EEA1: variants seen among roughly 807,000 people sequenced by gnomAD.
EEA1 encodes early endosome antigen 1, 162kD.
EEA1 carries 111 observed loss-of-function variants against 209.2 expected under a neutral mutation model. That is an observed-to-expected ratio of 0.53 (90% confidence interval 0.45 to 0.62). The LOEUF is 0.62. EEA1 is among the 20% of genes least tolerant of loss of function. EEA1 has a pLI of 0.00. For synonymous variants in EEA1, 536 were observed against 540.6 expected (o/e 0.99, Z 0.12); for missense variants, 1,343 against 1,530.8 (o/e 0.88, Z 2.05).
intron 26 of EEA1, 48 bp downstream of exon 26, chr12:92,777,890 CTTT>C: frequency 6.5e-7 from 1 of 1,530,550 alleles, no homozygotes; most frequent in Non-Finnish European, 9.0e-7. Context: ...ATATGACAAT[CTTT>C]TTATCACTTA....
intron 2 of EEA1, among the ~76,000 whole-genome samples, chr12:92,881,121 G>A (rs920175521): frequency 2.6e-5 from 4 of 152,124 alleles, no homozygotes; most frequent in African/African-American, 4.8e-5. Flanking sequence ...TTTAGAAAAC[G>A]GGCTCAGTGT....
At chr12:92,900,456 C>A (rs1306738278) in intron 1 of EEA1, among the ~76,000 whole-genome samples, 1 of 151,440 alleles carries the variant, frequency 6.6e-6, no homozygotes, top group South Asian at 2.1e-4. Context: ...ACATTTAATG[C>A]CCACAAAATT....
intron 1 of EEA1, among the ~76,000 whole-genome samples, chr12:92,917,595 C>T (rs1296401488): frequency 5.3e-5 from 8 of 151,638 alleles, no homozygotes; most frequent in Non-Finnish European, 8.8e-5. Context: ...CTGAAGGAAG[C>T]GCTAAACATG....
At position 92,774,477 on chromosome 12, in the gene EEA1, A is replaced by G. The variant is rs1873569959; in HGVS notation, c.*1534T>C. 6.6e-6 allele frequency: 1 copy of G among 151,684 alleles called. No individual in the cohort carries two copies. The allele number at this position is 151,684 out of a possible 1,614,324, so 9.4% of individuals were successfully genotyped here. Reference sequence around the variant, plus strand: ...ATGAAATATTAACTACTGTTATAAAATGATTGCACTGAATGAATGTATAAC... The same window carrying G: ...ATGAAATATTAACTACTGTTATAAAGTGATTGCACTGAATGAATGTATAAC... On this transcript the variant is annotated 3_prime_UTR_variant, in exon 29 of 29. Coordinates refer to ENST00000322349, the MANE Select transcript of EEA1 (RefSeq NM_003566.4).
At chr12:92,907,591 C>T (rs190834240) in intron 1 of EEA1, among the ~76,000 whole-genome samples, 19 of 152,228 alleles carry the variant, frequency 1.2e-4, no homozygotes, top group South Asian at 4.1e-4. Context: ...CTCACCTGGA[C>T]GATAAAAGAG....
At chr12:92,787,845 G>C in intron 22 of EEA1, 22 bp downstream of exon 22, 2 of 1,469,804 alleles carry the variant, frequency 1.4e-6, no homozygotes, top group Non-Finnish European at 1.8e-6. Flanking sequence ...GAGACTTTAT[G>C]GTACAGTATA....
At chr12:92,905,503 G>C (rs1041443122) in intron 1 of EEA1, 1 of 152,036 alleles carries the variant, frequency 6.6e-6, no homozygotes, top group Admixed American at 6.6e-5. Context: ...CCCCTGGGGA[G>C]CCCAGGGCAG....
At chr12:92,853,113 T>C (rs1877711001) in intron 6 of EEA1, 88 bp from the exon 7 acceptor site, 1 of 857,628 alleles carries the variant, frequency 1.2e-6, no homozygotes, top group African/African-American at 1.7e-5. Context: ...GTTGTAAAGA[T>C]GATCAACTTA....
In EEA1 at chr12:92,929,171, C is replaced by T. The variant is rs1233531253; in HGVS notation, c.-105G>A. ...GGGAGGGACTGGGCCGGGAGGGGAC[C>T]GGGAAGGAGGTCGGGGCGAGGCGGT... On this transcript the variant is annotated 5_prime_UTR_variant, in exon 1 of 29. Transcript: ENST00000322349. 3.4e-6 allele frequency: 4 copies of T among 1,178,370 alleles called. No individual in the cohort carries two copies. Among genetic ancestry groups the T allele is most frequent in the Admixed American group, 4.9e-5 (2 of 40,852 alleles). The allele number at this position is 1,178,370 out of a possible 1,614,324, so 73.0% of individuals were successfully genotyped here.
chr12:92,888,617 C>T lies in EEA1; in HGVS notation c.117+3012G>A, dbSNP rs143990691. On this transcript the variant is annotated intron_variant, in intron 2 of 28. Coordinates refer to ENST00000322349, the MANE Select transcript of EEA1 (RefSeq NM_003566.4). ...AAACAAAAAAAAAAACCCAAGAAAA[C>T]AATTGTAAGTGGAAGGCTGAAGATG... 2.3e-3 allele frequency among the ~76,000 whole-genome samples: 343 copies of T among 146,168 alleles called. 1 individual carries two copies. Among genetic ancestry groups the T allele is most frequent in the African/African-American group, 8.0e-3 (321 of 40,180 alleles).
chr12:92,808,598 G>C (rs1223716954), intron 18 of EEA1, among the ~76,000 whole-genome samples: 1 of 151,816 alleles, frequency 6.6e-6, no homozygotes, highest in African/African-American at 2.4e-5. Context: ...CCCAGGCTGA[G>C]AAGATCACTT....
intron 2 of EEA1, among the ~76,000 whole-genome samples, chr12:92,872,595 A>G (rs1592749295): frequency 1.3e-5 from 2 of 152,144 alleles, no homozygotes; most frequent in Non-Finnish European, 1.5e-5. Flanking sequence ...AACAATATCT[A>G]TATTTTAAAA....
chr12:92,850,502 C>G (rs550308951), intron 9 of EEA1, among the ~76,000 whole-genome samples: 170 of 151,990 alleles, frequency 1.1e-3, no homozygotes, highest in African/African-American at 3.6e-3. Context: ...CCAGCCTGGC[C>G]AACATGGTGA....
chr12:92,840,686 T>C (rs74479594), intron 10 of EEA1, among the ~76,000 whole-genome samples: 1 of 152,268 alleles, frequency 6.6e-6, no homozygotes, highest in African/African-American at 2.4e-5. Flanking sequence ...TGAAGGCTTA[T>C]CTTCCTGATT....
In EEA1 at chr12:92,789,894, C is replaced by A. The variant is rs375591407; in HGVS notation, c.2968-1845G>T. On this transcript the variant is annotated intron_variant, in intron 21 of 28. Coordinates refer to ENST00000322349, the MANE Select transcript of EEA1 (RefSeq NM_003566.4). ...GGGGCCAACAGACACCTCATATAGG[C>A]AGCTGCCCCTCTGGGACGAAGCTTC... Among the ~76,000 whole-genome samples, 150 of 152,290 alleles carry A rather than the reference C, an allele frequency of 9.8e-4. 1 individual carries two copies. The highest frequency in any genetic ancestry group is 3.3e-3 in the African/African-American group (137 of 41,562).
intron 16 of EEA1, among the ~76,000 whole-genome samples, chr12:92,811,868 A>AAAT (rs1565818268): frequency 6.6e-6 from 1 of 151,670 alleles, no homozygotes; most frequent in East Asian, 1.9e-4. Context: ...ACAAAAAAAA[A>AAAT]AAAATAAAAT....
chr12:92,778,530 T>A (rs1350945985), intron 25 of EEA1, among the ~76,000 whole-genome samples: 1 of 152,072 alleles, frequency 6.6e-6, no homozygotes, highest in Non-Finnish European at 1.5e-5. Flanking sequence ...CCCAATTCCA[T>A]ATGCTTTCTT....
At chr12:92,875,468 A>C (rs1036335014) in intron 2 of EEA1, among the ~76,000 whole-genome samples, 6 of 151,940 alleles carry the variant, frequency 3.9e-5, no homozygotes, top group African/African-American at 1.4e-4. Flanking sequence ...ATGCCCCACT[A>C]ATCAGAAAAT....
rs1176566759 is a variant in EEA1, at chr12:92,864,952, T to C, written c.153A>G (p.Gly51=). ...FICPQCMKSL[G]SADELFKHYE... is the part of the protein sequence containing the mutation. ...AATGTTTGAAAAGTTCATCAGCAGATCCAAGAGATTTCATACACTGGGGAC... is the reference window on the plus strand; with the variant it reads ...AATGTTTGAAAAGTTCATCAGCAGACCCAAGAGATTTCATACACTGGGGAC... Residue 51 remains glycine, a synonymous_variant, in exon 3 of 29, where the codon GGA becomes GGG. Transcript: ENST00000322349. 1.2e-6 allele frequency: 2 copies of C among 1,610,970 alleles called. No homozygotes were observed.
Sources: gnomAD v4.1 joint callset for allele counts (sites outside exome capture counted in the v4.1 genomes callset) on GRCh38, gnomAD v4.1.1 for gene constraint, MANE v1.5 for transcripts, NCBI Gene and HGNC (gene_info 2026-07-23, HGNC 2026-07-21) for gene names.